Variants in USH2A observed in about 807,000 individuals in gnomAD.
USH2A encodes the protein usherin.
In USH2A, 443 loss-of-function variants were observed where a neutral mutation model predicts 538.9. The observed-to-expected ratio is 0.82, with a 90% CI of 0.76 to 0.89. The LOEUF (loss-of-function observed/expected upper bound fraction) is 0.89. Ranked by LOEUF, USH2A falls within the 40% of genes least tolerant of loss-of-function variation. USH2A has a pLI of 0.00. For missense variants in USH2A, 6,633 were observed against 6,324.8 expected, an observed-to-expected ratio of 1.05 and a Z score of -1.65; for synonymous variants, 2,413 against 2,273.5, an observed-to-expected ratio of 1.06 and a Z score of -1.75.
At chr1:215,876,734 G>C (rs917691057) in intron 43 of USH2A, among the ~76,000 whole-genome samples, 1 of 152,174 alleles carries the variant, frequency 6.6e-6, no homozygotes, top group African/African-American at 2.4e-5. Context: ...AGGCCTCCTA[G>C]AGGAAGAAAC....
intron 3 of USH2A, among the ~76,000 whole-genome samples, chr1:216,417,733 C>T (rs1309901754): frequency 1.3e-5 from 2 of 152,086 alleles, no homozygotes; most frequent in South Asian, 2.1e-4. Flanking sequence ...CAGAATCATG[C>T]TTCCTGTATA....
chr1:216,143,515 T>C (rs2102613123), intron 21 of USH2A, among the ~76,000 whole-genome samples: 1 of 152,310 alleles, frequency 6.6e-6, no homozygotes, highest in African/African-American at 2.4e-5. Context: ...ATATAGATGG[T>C]TCTTTCTTTC....
intron 3 of USH2A, among the ~76,000 whole-genome samples, chr1:216,378,682 G>GT (rs973911535): frequency 2.0e-5 from 3 of 151,638 alleles, no homozygotes; most frequent in African/African-American, 4.8e-5. Context: ...ATTTGTTTGA[G>GT]TTTTTTTTCT....
intron 38 of USH2A, among the ~76,000 whole-genome samples, chr1:215,917,178 T>C (rs1665977313): frequency 6.6e-6 from 1 of 152,100 alleles, no homozygotes; most frequent in Non-Finnish European, 1.5e-5. Context: ...ACCAAATTTT[T>C]TTCCTTTTCC....
rs141896116 is a variant in USH2A, at chr1:216,290,285, G to T, written c.1841-875C>A. 2.4e-4 allele frequency among the ~76,000 whole-genome samples: 37 copies of T among 152,178 alleles called. 3 individuals carry two copies. Among genetic ancestry groups the T allele is most frequent in the African/African-American group, 8.9e-4 (37 of 41,536 alleles). On this transcript the variant is annotated intron_variant, in intron 10 of 71. Coordinates refer to ENST00000307340, the MANE Select transcript of USH2A (RefSeq NM_206933.4). ...TCAATAATATGAAAACTCATATTCT[G>T]ATAGATATTGGCTATTGAGCTAGTT...
At chr1:216,332,505 C>T (rs975436442) in intron 4 of USH2A, among the ~76,000 whole-genome samples, 3 of 152,140 alleles carry the variant, frequency 2.0e-5, no homozygotes, top group South Asian at 2.1e-4. Flanking sequence ...CAGGTATATG[C>T]GCATGCTAAA....
chr1:216,095,586 G>A (rs754976597), intron 22 of USH2A, among the ~76,000 whole-genome samples: 6 of 152,128 alleles, frequency 3.9e-5, no homozygotes, highest in Admixed American at 2.0e-4. Context: ...ACTAGGGGAC[G>A]CTCAGAAATC....
intron 47 of USH2A, among the ~76,000 whole-genome samples, chr1:215,820,307 C>A (rs1440381962): frequency 6.9e-6 from 1 of 144,006 alleles, no homozygotes; most frequent in African/African-American, 2.5e-5. Context: ...ACACACAGCC[C>A]ACATACACAC....
At chr1:216,097,023 C>T (rs577009726) in intron 22 of USH2A, 60 bp downstream of exon 22, 1 of 1,483,142 alleles carries the variant, frequency 6.7e-7, no homozygotes, top group East Asian at 2.4e-5. Context: ...AAGCATTTAC[C>T]TCAGTACCAG....
At chr1:216,106,561 T>C (rs2032739412) in intron 21 of USH2A, among the ~76,000 whole-genome samples, 1 of 151,534 alleles carries the variant, frequency 6.6e-6, no homozygotes, top group Non-Finnish European at 1.5e-5. Context: ...TCTCCTTTTC[T>C]CTCTCCCCCC....
At chr1:215,630,506 A>G (rs1426621810) in intron 70 of USH2A, among the ~76,000 whole-genome samples, 3 of 135,076 alleles carry the variant, frequency 2.2e-5, no homozygotes, top group African/African-American at 8.5e-5. Flanking sequence ...ATATATATAT[A>G]TATATATATA....
chr1:216,300,740 TG>T lies in USH2A; in HGVS notation c.1645-8371del, dbSNP rs370676088. 3.5e-4 allele frequency among the ~76,000 whole-genome samples: 52 copies of T among 148,284 alleles called. 1 individual carries two copies. The highest frequency in any genetic ancestry group is 1.1e-3 in the African/African-American group (45 of 39,226). On this transcript the variant is annotated intron_variant, in intron 9 of 71. Coordinates refer to ENST00000307340, the MANE Select transcript of USH2A (RefSeq NM_206933.4). ...TCAACTCCACTCCTGATAGACTCAATGTTTTTTTTTTTTTTTTTTTGGAGAT... is the reference window on the plus strand; with the variant it reads ...TCAACTCCACTCCTGATAGACTCAATTTTTTTTTTTTTTTTTTTTGGAGAT...
Position 216,217,521 on chromosome 1 carries a change from C to T in USH2A, c.3023G>A (p.Gly1008Glu), listed in dbSNP as rs2035366430. The T allele has an allele frequency of 1.2e-6, 2 of 1,613,062 alleles. No homozygotes were observed. The highest frequency in any genetic ancestry group is 1.7e-6 in the Non-Finnish European group (2 of 1,179,358). Residue 1008 changes from glycine (G) to glutamate (E), a missense_variant, in exon 15 of 72, where the codon GGA becomes GAA. Coordinates refer to ENST00000307340, the MANE Select transcript of USH2A (RefSeq NM_206933.4). ...RCQPCNCHLS[G>E]ALNETCHLVT... ...CAAGTGACAGGTTTCATTCAAGGCT[C>T]CTGAGAGATGACAATTACAAGGCTG...
At chr1:215,956,715 C>T (rs1229116011) in intron 37 of USH2A, among the ~76,000 whole-genome samples, 1 of 152,140 alleles carries the variant, frequency 6.6e-6, no homozygotes, top group Non-Finnish European at 1.5e-5. Context: ...AGAGTATGCA[C>T]TTGTTCATTA....
At chr1:215,896,173 A>C (rs1345083502) in intron 40 of USH2A, among the ~76,000 whole-genome samples, 1 of 152,232 alleles carries the variant, frequency 6.6e-6, no homozygotes, top group Non-Finnish European at 1.5e-5. Flanking sequence ...GGTTTTATGC[A>C]GTAGTGCCTC....
At chr1:216,117,323 A>G (rs2033032794) in intron 21 of USH2A, among the ~76,000 whole-genome samples, 1 of 152,210 alleles carries the variant, frequency 6.6e-6, no homozygotes, top group Admixed American at 6.5e-5. Context: ...TGCATGTCAA[A>G]TGAATGAAAG....
At position 215,634,458 on chromosome 1, in the gene USH2A, C is replaced by T. The variant is rs767630412; in HGVS notation, c.15297+1G>A. ...ATGGGGCCACACCTCTACAAACATA[C>T]CATATGGTTTTCCCCCGGTGGGTAA... is the stretch of plus-strand genomic sequence containing the variant. On this transcript the variant is annotated splice_donor_variant, in intron 70 of 71. Transcript: ENST00000307340. LOFTEE classifies it high-confidence loss of function. 1 of 1,614,216 alleles carries T rather than the reference C, an allele frequency of 6.2e-7. No homozygotes were observed.
intron 37 of USH2A, among the ~76,000 whole-genome samples, chr1:215,936,222 C>T (rs1404745472): frequency 7.2e-5 from 11 of 152,002 alleles, no homozygotes; most frequent in Admixed American, 5.9e-4. Flanking sequence ...TCTCCAGATA[C>T]TGATATAATC....
At chr1:215,880,638 G>A (rs7521174) in intron 41 of USH2A, among the ~76,000 whole-genome samples, 96,025 of 151,970 alleles carry the variant, frequency 0.63, 31,329 homozygotes, top group African/African-American at 0.79. Flanking sequence ...TGTGGACCCG[G>A]AAAATGAGTC....
Sources: gnomAD v4.1 joint callset for allele counts (sites outside exome capture counted in the v4.1 genomes callset) on GRCh38, gnomAD v4.1.1 for gene constraint, MANE v1.5 for transcripts, NCBI Gene and HGNC (gene_info 2026-07-23, HGNC 2026-07-21) for gene names.